NIPBL: variants seen among roughly 807,000 people sequenced by gnomAD.
The protein encoded by NIPBL is NIPBL cohesin loading factor.
In NIPBL, 19 loss-of-function variants were observed where a neutral mutation model predicts 321.8. The ratio of observed to expected loss-of-function variants is 0.06; its 90% confidence interval spans 0.04 to 0.09. The LOEUF (loss-of-function observed/expected upper bound fraction) is 0.09. NIPBL is among the 10% of genes least tolerant of loss of function. The pLI is 1.00. For synonymous variants in NIPBL, 1,106 were observed against 1,114.1 expected, an observed-to-expected ratio of 0.99 and a Z score of 0.14; for missense variants, 2,210 against 3,327.0, an observed-to-expected ratio of 0.66 and a Z score of 8.26.
intron 33 of NIPBL, 89 bp from the exon 34 acceptor site, chr5:37,038,513 G>A: frequency 8.4e-7 from 1 of 1,193,852 alleles, no homozygotes; most frequent in South Asian, 1.3e-5. Flanking sequence ...CTATTTAGGG[G>A]ATAATATTAA....
intron 42 of NIPBL, among the ~76,000 whole-genome samples, chr5:37,055,309 A>G (rs1173697603): frequency 1.3e-5 from 2 of 149,120 alleles, no homozygotes; most frequent in Non-Finnish European, 3.0e-5. Flanking sequence ...CTGAGATCGC[A>G]CCACTGCACT....
In NIPBL at chr5:37,045,661, T is replaced by A. The variant is rs56745362; in HGVS notation, c.6498+64T>A. 9,434 of 1,500,206 alleles carry A rather than the reference T, an allele frequency of 6.3e-3. 499 individuals carry two copies. In the African/African-American group the frequency reaches 0.11, roughly 18 times the overall value. 92.9% of individuals were successfully genotyped at this position (1,500,206 alleles called of 1,614,324 possible). On this transcript the variant is annotated intron_variant, in intron 37 of 46. Coordinates refer to ENST00000282516, the MANE Select transcript of NIPBL (RefSeq NM_133433.4). ...GCTATATGGCACTGTGATCTGAGAA[T>A]GACAGTAGTGACCCAGGATGAAGGC...
intron 32 of NIPBL, among the ~76,000 whole-genome samples, chr5:37,032,954 C>T (rs1410566806): frequency 6.6e-6 from 1 of 152,062 alleles, no homozygotes; most frequent in Admixed American, 6.5e-5. Context: ...TTTAAGTGAG[C>T]AAGCTAAATT....
intron 1 of NIPBL, among the ~76,000 whole-genome samples, chr5:36,949,896 G>A (rs567502407): frequency 6.6e-6 from 1 of 151,860 alleles, no homozygotes; most frequent in African/African-American, 2.4e-5. Flanking sequence ...TAAAAATCTT[G>A]GCAAATGCTT....
chr5:36,976,283 T>C lies in NIPBL; in HGVS notation c.1376T>C (p.Ile459Thr). ...QTSVVQNQQQ[I>T]SQQGPIYDEV... ...TCTGTGGTACAGAATCAACAACAGA[T>C]ATCACAACAGGGACCTATATATGAT... The change falls in exon 9 of 47, where the codon ATA (isoleucine) becomes ACA (threonine). Residue 459 changes from isoleucine to threonine, a missense_variant. Ile to Thr is a moderately conservative substitution (Grantham distance 89). Transcript: ENST00000282516. The C allele has an allele frequency of 6.2e-7, 1 of 1,613,730 alleles. No individual in the cohort carries two copies.
At chr5:36,989,657 G>T (rs868249638) in intron 10 of NIPBL, among the ~76,000 whole-genome samples, 1 of 151,896 alleles carries the variant, frequency 6.6e-6, no homozygotes, top group Non-Finnish European at 1.5e-5. Context: ...GGCCAACATG[G>T]TGAAACCCCA....
intron 32 of NIPBL, among the ~76,000 whole-genome samples, chr5:37,030,756 A>T (rs111706088): frequency 2.6e-5 from 4 of 151,220 alleles, no homozygotes; most frequent in African/African-American, 9.7e-5. Context: ...TTATGTTAGT[A>T]TATCTTTTTT....
chr5:37,001,268 CCTAA>C (rs1746768921), intron 14 of NIPBL, among the ~76,000 whole-genome samples, 190 bp downstream of exon 14: 1 of 152,036 alleles, frequency 6.6e-6, no homozygotes, highest in Non-Finnish European at 1.5e-5. Flanking sequence ...TTTCTGAATC[CCTAA>C]CTATGATAAA....
At position 37,052,547 on chromosome 5, in the gene NIPBL, A is replaced by G. The variant is rs766934075; in HGVS notation, c.7244A>G (p.Asn2415Ser). Residue 2415 changes from asparagine (N) to serine (S), a missense_variant, in exon 42 of 47, where the codon AAC becomes AGC. Asn to Ser is a conservative substitution (Grantham distance 46). This residue lies in a region of NIPBL where 112 missense variants were observed against 288.3 expected (regional missense o/e 0.39). Transcript: ENST00000282516. ...HRRAFLISLL[N>S]LFDDTAKTDV... ...CGAGCCTTTCTTATTTCTTTACTCA[A>G]CCTCTTTGATGACACAGCAGTAAGC... 9.9e-6 allele frequency: 16 copies of G among 1,613,972 alleles called. No homozygotes were observed. The highest frequency in any genetic ancestry group is 2.2e-5 in the South Asian group (2 of 91,078).
intron 38 of NIPBL, among the ~76,000 whole-genome samples, chr5:37,046,755 G>A (rs1307745584): frequency 1.3e-5 from 2 of 152,128 alleles, no homozygotes; most frequent in Non-Finnish European, 2.9e-5. Flanking sequence ...CAATTGTTAG[G>A]CAGGTCTATG....
intron 34 of NIPBL, among the ~76,000 whole-genome samples, chr5:37,039,720 C>T (rs1411903642): frequency 6.6e-6 from 1 of 152,082 alleles, no homozygotes; most frequent in Non-Finnish European, 1.5e-5. Flanking sequence ...TGTTTTGCTG[C>T]TGTGGTCAGT....
At position 36,877,037 on chromosome 5, in the gene NIPBL, C is replaced by T; in HGVS notation, c.-221C>T. 2.8e-6 allele frequency: 1 copy of T among 362,112 alleles called. No homozygotes were observed. Among genetic ancestry groups the T allele is most frequent in the South Asian group, 1.4e-4 (1 of 7,174 alleles). 22.4% of individuals were successfully genotyped at this position (362,112 alleles called of 1,614,324 possible). On this transcript the variant is annotated 5_prime_UTR_variant, in exon 1 of 47. Transcript: ENST00000282516. ...AAGAAGCAACGATTTGTCTTCTCGG[C>T]TGGTCTCCCCCCGGCTCTACATGTT...
chr5:37,040,244 T>C (rs889069277), intron 34 of NIPBL, among the ~76,000 whole-genome samples: 4 of 152,196 alleles, frequency 2.6e-5, no homozygotes, highest in African/African-American at 7.2e-5. Flanking sequence ...GCATTTTTTA[T>C]GTATGTATGT....
At chr5:37,036,347 G>GTGTA (rs767653666) in intron 32 of NIPBL, 32 bp from the exon 33 acceptor site, 11 of 384,512 alleles carry the variant, frequency 2.9e-5, no homozygotes, top group African/African-American at 1.9e-4. Context: ...ATATATATAT[G>GTGTA]TATATATATA....
chr5:36,978,601 A>T (rs1743781745), intron 9 of NIPBL, among the ~76,000 whole-genome samples: 1 of 151,748 alleles, frequency 6.6e-6, no homozygotes, highest in African/African-American at 2.4e-5. Context: ...ATTAAGTCCC[A>T]TTTGTCAATT....
At chr5:36,984,347 G>T (rs540207931) in intron 9 of NIPBL, among the ~76,000 whole-genome samples, 6 of 152,040 alleles carry the variant, frequency 3.9e-5, no homozygotes, top group Admixed American at 1.3e-4. Flanking sequence ...ATTTATCCGT[G>T]ACATCTATGA....
chr5:37,065,036 G>A lies in NIPBL; in HGVS notation c.*144G>A, dbSNP rs1561234295. 11 of 993,542 alleles carry A rather than the reference G, an allele frequency of 1.1e-5. No homozygotes were observed. Among genetic ancestry groups the A allele is most frequent in the Non-Finnish European group, 1.6e-5 (11 of 667,044 alleles). The allele number at this position is 993,542 out of a possible 1,614,324, so 61.5% of individuals were successfully genotyped here. ...CAGGAACAAAAGAAGGAAATGTTGGGCAAACATTTTTGTGGGAGCTCCCTT... is the reference window on the plus strand; with the variant it reads ...CAGGAACAAAAGAAGGAAATGTTGGACAAACATTTTTGTGGGAGCTCCCTT... On this transcript the variant is annotated 3_prime_UTR_variant, in exon 47 of 47. Transcript: ENST00000282516.
Position 37,060,860 on chromosome 5 carries a change from T to C in NIPBL, c.7702T>C (p.Ser2568Pro). ...CCAAAACAGTAAAATTCAGAAGTAC[T>C]CTCCATCTGAATCTGCAAAAGTATA... is the stretch of plus-strand genomic sequence containing the variant. ...GFSDSKIQKY[S>P]PSESAKVYDK... Residue 2568 changes from serine (S) to proline (P), a missense_variant, in exon 45 of 47, where the codon TCT becomes CCT. Physicochemically the swap from Ser to Pro is moderately conservative, Grantham distance 74 (BLOSUM62 -1). Coordinates refer to ENST00000282516, the MANE Select transcript of NIPBL (RefSeq NM_133433.4). 6.2e-7 allele frequency: 1 copy of C among 1,613,460 alleles called. No homozygotes were observed.
At chr5:36,893,095 A>G (rs1387944263) in intron 1 of NIPBL, among the ~76,000 whole-genome samples, 5 of 152,094 alleles carry the variant, frequency 3.3e-5, no homozygotes, top group South Asian at 2.1e-4. Context: ...ACTATTTTCT[A>G]TTGTGCAAAG....
Sources: gnomAD v4.1 joint callset for allele counts (sites outside exome capture counted in the v4.1 genomes callset) on GRCh38, gnomAD v4.1.1 for gene constraint, gnomAD v4.1.1 regional missense constraint, MANE v1.5 for transcripts, NCBI Gene and HGNC (gene_info 2026-07-23, HGNC 2026-07-21) for gene names.